PPP6R3: variants seen among roughly 807,000 people sequenced by gnomAD.
PPP6R3 encodes the protein serine/threonine-protein phosphatase 6 regulatory subunit 3.
Under a neutral mutation model 110.7 loss-of-function variants are expected in PPP6R3, and 38 were observed. The observed-to-expected ratio is 0.34, with a 90% CI of 0.26 to 0.45. PPP6R3 has a LOEUF of 0.45. Among genes scored for constraint, PPP6R3 ranks in the 20% least tolerant of loss-of-function variants. PPP6R3 has a pLI of 1.00. For synonymous variants in PPP6R3, 369 were observed against 373.5 expected, an observed-to-expected ratio of 0.99 and a Z score of 0.14; for missense variants, 870 against 1,062.4, an observed-to-expected ratio of 0.82 and a Z score of 2.52.
chr11:68,575,076 C>A (rs974918935), intron 13 of PPP6R3, among the ~76,000 whole-genome samples: 4 of 152,224 alleles, frequency 2.6e-5, no homozygotes, highest in African/African-American at 9.7e-5. Context: ...TTGAGAGAGG[C>A]ATAAGAGGTA....
At chr11:68,602,435 T>C (rs1363767511) in intron 21 of PPP6R3, among the ~76,000 whole-genome samples, 1 of 152,204 alleles carries the variant, frequency 6.6e-6, no homozygotes, top group East Asian at 1.9e-4. Context: ...TTCCTATTAC[T>C]CTACCTAGTC....
At chr11:68,557,800 G>A (rs2099405332) in intron 7 of PPP6R3, among the ~76,000 whole-genome samples, 1 of 152,228 alleles carries the variant, frequency 6.6e-6, no homozygotes, top group South Asian at 2.1e-4. Flanking sequence ...TTACAGGCGT[G>A]AGCCACTGCA....
At chr11:68,571,261 G>T in intron 12 of PPP6R3, 157 bp downstream of exon 12, 2 of 1,082,376 alleles carry the variant, frequency 1.8e-6, no homozygotes, top group Non-Finnish European at 1.2e-6. Context: ...TGTAACAGTT[G>T]TTTTTATAAT....
chr11:68,511,060 A>G (rs2099106167), intron 1 of PPP6R3, among the ~76,000 whole-genome samples: 1 of 146,402 alleles, frequency 6.8e-6, no homozygotes. Flanking sequence ...CTACATTACG[A>G]CCATGCATAC....
chr11:68,579,372 A>C lies in PPP6R3; in HGVS notation c.1545+3329A>C, dbSNP rs111226369. On this transcript the variant is annotated intron_variant, in intron 14 of 23. Coordinates refer to ENST00000393800, the MANE Select transcript of PPP6R3 (RefSeq NM_001164161.2). ...CTTTTTCCTGTAACAACAGTTAACA[A>C]AACGAAAATTTTATTTCGAAAGAAG... is the stretch of plus-strand genomic sequence containing the variant. 3.5e-3 allele frequency among the ~76,000 whole-genome samples: 538 copies of C among 152,362 alleles called. 8 individuals are homozygous for C. The highest frequency in any genetic ancestry group is 0.012 in the African/African-American group (515 of 41,574).
intron 1 of PPP6R3, among the ~76,000 whole-genome samples, chr11:68,491,420 G>GT (rs1342458888): frequency 6.6e-6 from 1 of 151,394 alleles, no homozygotes; most frequent in Admixed American, 6.6e-5. Flanking sequence ...CTGGAGTGCA[G>GT]TGGTGCAATC....
intron 9 of PPP6R3, 71 bp downstream of exon 9, chr11:68,564,503 G>A: frequency 2.6e-6 from 4 of 1,513,942 alleles, no homozygotes; most frequent in Non-Finnish European, 3.6e-6. Flanking sequence ...AATGTGTACG[G>A]GCCTTAGGAG....
intron 17 of PPP6R3, 61 bp downstream of exon 17, chr11:68,590,775 C>G (rs1017470862): frequency 2.1e-6 from 3 of 1,462,492 alleles, no homozygotes; most frequent in Non-Finnish European, 2.8e-6. Context: ...TGGGTGAGTC[C>G]CTGTGTGGAT....
intron 1 of PPP6R3, among the ~76,000 whole-genome samples, chr11:68,500,842 A>G (rs796169838): frequency 2.6e-5 from 4 of 152,294 alleles, no homozygotes; most frequent in African/African-American, 9.6e-5. Context: ...TTGAATGTGG[A>G]GCTAAACTGA....
intron 1 of PPP6R3, among the ~76,000 whole-genome samples, chr11:68,462,996 A>G (rs907021514): frequency 2.5e-4 from 38 of 152,198 alleles, no homozygotes; most frequent in Admixed American, 2.4e-3. Context: ...TCAATGAACT[A>G]ATTGAGAATT....
intron 1 of PPP6R3, among the ~76,000 whole-genome samples, chr11:68,485,919 C>T (rs1363931432): frequency 1.3e-5 from 2 of 151,454 alleles, no homozygotes; most frequent in South Asian, 2.1e-4. Flanking sequence ...CCTGTAATCT[C>T]AACACTTTGG....
chr11:68,489,805 T>G (rs959596969), intron 1 of PPP6R3, among the ~76,000 whole-genome samples: 16 of 152,204 alleles, frequency 1.1e-4, no homozygotes, highest in African/African-American at 3.1e-4. Flanking sequence ...ACTTACTTTA[T>G]TGTGACATTT....
chr11:68,557,399 A>G (rs753218053), intron 7 of PPP6R3, among the ~76,000 whole-genome samples: 8 of 152,262 alleles, frequency 5.3e-5, no homozygotes, highest in Non-Finnish European at 8.8e-5. Context: ...GAACTGGTGT[A>G]CAGTACACTG....
At chr11:68,603,247 T>A in intron 21 of PPP6R3, 95 bp from the exon 22 acceptor site, 1 of 1,473,652 alleles carries the variant, frequency 6.8e-7, no homozygotes, top group Admixed American at 2.1e-5. Flanking sequence ...CTTCAAGCAG[T>A]AGATGTCACG....
intron 10 of PPP6R3, 116 bp downstream of exon 10, chr11:68,567,282 A>G (rs2099478847): frequency 9.5e-6 from 11 of 1,156,628 alleles, no homozygotes; most frequent in Non-Finnish European, 1.3e-5. Flanking sequence ...TGGTCTGAGC[A>G]TAAATGGTGT....
chr11:68,471,196 G>A (rs10750827), intron 1 of PPP6R3, among the ~76,000 whole-genome samples: 58,495 of 150,392 alleles, frequency 0.39, 12,624 homozygotes, highest in African/African-American at 0.57. Flanking sequence ...AGGCAGGAGA[G>A]TGGCATGAAC....
rs12941 is a variant in PPP6R3 at position 68,614,725 on chromosome 11, C to G, written c.*1608C>G. On this transcript the variant is annotated 3_prime_UTR_variant, in exon 24 of 24. Transcript: ENST00000393800. ...TGGGTCCCTTGACCTTTGCACGCCTCCTCAGGAACCCCCTTTCCCGGGTGA... is the reference window on the plus strand; with the variant it reads ...TGGGTCCCTTGACCTTTGCACGCCTGCTCAGGAACCCCCTTTCCCGGGTGA... The G allele has an allele frequency of 2.6e-6, 4 of 1,532,582 alleles. No individual in the cohort carries two copies. In the African/African-American group the frequency reaches 5.5e-5, roughly 21 times the overall value. 94.9% of individuals were successfully genotyped at this position (1,532,582 alleles called of 1,614,324 possible).
intron 1 of PPP6R3, among the ~76,000 whole-genome samples, chr11:68,474,204 C>G (rs1219135500): frequency 6.6e-6 from 1 of 152,134 alleles, no homozygotes; most frequent in African/African-American, 2.4e-5. Context: ...ACCACCATGC[C>G]TGGCTAATTT....
intron 1 of PPP6R3, among the ~76,000 whole-genome samples, chr11:68,482,238 A>G (rs1591771065): frequency 6.6e-6 from 1 of 151,344 alleles, no homozygotes. Flanking sequence ...AAAAAAAAAA[A>G]AACCAAAAAA....
Sources: gnomAD v4.1 joint callset for allele counts (sites outside exome capture counted in the v4.1 genomes callset) on GRCh38, gnomAD v4.1.1 for gene constraint, MANE v1.5 for transcripts, NCBI Gene and HGNC (gene_info 2026-07-23, HGNC 2026-07-21) for gene names.